SEPTIN9: variants seen among roughly 807,000 people sequenced by gnomAD.
SEPTIN9 encodes septin 9, also known as septin-9.
In SEPTIN9, 13 loss-of-function variants were observed where a neutral mutation model predicts 56.6. The ratio of observed to expected loss-of-function variants is 0.23; its 90% CI spans 0.15 to 0.37. The LOEUF is 0.37. Ranked by LOEUF, SEPTIN9 falls within the 10% of genes least tolerant of loss-of-function variation. The pLI is 1.00. For synonymous variants in SEPTIN9, 332 were observed against 334.1 expected, an observed-to-expected ratio of 0.99 and a Z score of 0.07; for missense variants, 650 against 823.1, an observed-to-expected ratio of 0.79 and a Z score of 2.57.
chr17:77,486,487 GGT>G (rs773025304), intron 4 of SEPTIN9, among the ~76,000 whole-genome samples: 3,003 of 143,610 alleles, frequency 0.021, 39 homozygotes, highest in Middle Eastern at 0.053. Context: ...AGTCTGGAGG[GGT>G]GTGTGTGTGT....
intron 8 of SEPTIN9, among the ~76,000 whole-genome samples, chr17:77,491,843 G>GTCTCTGCCACCTTCT (rs1215078492): frequency 8.6e-5 from 13 of 151,420 alleles, no homozygotes; most frequent in Non-Finnish European, 1.6e-4. Flanking sequence ...AGGAGGGATG[G>GTCTCTGCCACCTTCT]TCTCTGCCAC....
intron 3 of SEPTIN9, among the ~76,000 whole-genome samples, chr17:77,472,222 T>C (rs959592446): frequency 1.3e-5 from 2 of 152,272 alleles, no homozygotes; most frequent in African/African-American, 4.8e-5. Flanking sequence ...TGAGGAGCCC[T>C]TGGACCTTGT....
rs771159726 is a variant in SEPTIN9, at chr17:77,498,614, G to A, written c.1717G>A (p.Ala573Thr). 3 of 1,610,638 alleles carry A rather than the reference G, an allele frequency of 1.9e-6. No individual in the cohort carries two copies. The highest frequency in any genetic ancestry group is 1.1e-5 in the South Asian group (1 of 90,500). Reference protein sequence around the residue: ...KRLNEGSSAMANGMEEKEPEA... With the variant: ...KRLNEGSSAMTNGMEEKEPEA... ...CCTCAACGAGGGCAGCAGCGCCATG[G>A]CCAACGGCATGGAGGAGAAGGAGCC... is the stretch of plus-strand genomic sequence containing the variant. The change falls in exon 12 of 12, where the codon GCC (alanine) becomes ACC (threonine). Residue 573 changes from alanine (A) to threonine (T), a missense_variant. By Grantham distance (58) the Ala-to-Thr change is moderately conservative. Coordinates refer to ENST00000427177, the MANE Select transcript of SEPTIN9 (RefSeq NM_001113491.2).
chr17:77,439,183 G>T (rs778150401), intron 3 of SEPTIN9, among the ~76,000 whole-genome samples: 1 of 152,302 alleles, frequency 6.6e-6, no homozygotes, highest in East Asian at 1.9e-4. Context: ...CCCAGTTCCT[G>T]CTCCAAAGTG....
chr17:77,443,120 T>G (rs60017764), intron 3 of SEPTIN9, among the ~76,000 whole-genome samples: 1 of 152,014 alleles, frequency 6.6e-6, no homozygotes, highest in African/African-American at 2.4e-5. Flanking sequence ...ATGGGCTGGG[T>G]GCAATGTGCC....
At chr17:77,484,577 G>GTGA (rs753199732) in intron 4 of SEPTIN9, among the ~76,000 whole-genome samples, 10 of 112,434 alleles carry the variant, frequency 8.9e-5, no homozygotes, top group Admixed American at 1.6e-4. Flanking sequence ...GGTGATGGTG[G>GTGA]TTATGATGGT....
chr17:77,380,713 C>T (rs2035112715), intron 2 of SEPTIN9, among the ~76,000 whole-genome samples: 2 of 152,146 alleles, frequency 1.3e-5, no homozygotes, highest in Admixed American at 1.3e-4. Flanking sequence ...GTCACAGCCT[C>T]GGAGGGGTCA....
chr17:77,413,121 T>C (rs1050299913), intron 3 of SEPTIN9, among the ~76,000 whole-genome samples: 8 of 148,480 alleles, frequency 5.4e-5, no homozygotes, highest in Admixed American at 2.0e-4. Flanking sequence ...TGTGTGTGTG[T>C]GCTATTTTTA....
At chr17:77,381,535 T>C (rs2035143080) in intron 2 of SEPTIN9, among the ~76,000 whole-genome samples, 1 of 152,250 alleles carries the variant, frequency 6.6e-6, no homozygotes, top group Admixed American at 6.5e-5. Context: ...AGACCGATGT[T>C]ATCTACAGTA....
intron 3 of SEPTIN9, among the ~76,000 whole-genome samples, chr17:77,441,702 C>T (rs760402427): frequency 9.9e-5 from 15 of 152,184 alleles, no homozygotes; most frequent in African/African-American, 2.4e-4. Context: ...ATTTTTCTTT[C>T]CGTTTTTAAA....
chr17:77,377,609 T>C (rs1223037802), intron 2 of SEPTIN9, among the ~76,000 whole-genome samples: 1 of 152,050 alleles, frequency 6.6e-6, no homozygotes, highest in African/African-American at 2.4e-5. Flanking sequence ...CCCAGATCTG[T>C]GTTCTGGAGG....
chr17:77,286,527 G>T (rs1020315508), intron 1 of SEPTIN9: 4 of 152,316 alleles, frequency 2.6e-5, no homozygotes, highest in African/African-American at 9.6e-5. Flanking sequence ...TCTGCTTGGA[G>T]ATCCCAGGTG....
Position 77,327,832 on chromosome 17 carries a change from A to G in SEPTIN9, c.76+20635A>G, listed in dbSNP as rs965762163. Reference sequence around the variant, plus strand: ...GAGGCACTGGCTCTGAAACTTTGCCATGAAAGCTTGAAAATGCTCTTTGGA... The same window carrying G: ...GAGGCACTGGCTCTGAAACTTTGCCGTGAAAGCTTGAAAATGCTCTTTGGA... On this transcript the variant is annotated intron_variant, in intron 2 of 11. Transcript: ENST00000427177. The surrounding 1 kb of genome is among the most constrained non-coding windows in gnomAD (Gnocchi z 5.0). 6.6e-6 allele frequency among the ~76,000 whole-genome samples: 1 copy of G among 152,182 alleles called. No homozygotes were observed. The highest frequency in any genetic ancestry group is 1.5e-5 in the Non-Finnish European group (1 of 68,018).
intron 3 of SEPTIN9, among the ~76,000 whole-genome samples, chr17:77,443,164 G>A (rs2144353327): frequency 1.3e-5 from 2 of 152,284 alleles, no homozygotes; most frequent in South Asian, 4.1e-4. Flanking sequence ...TATGGTTGCT[G>A]TTGAAACCAG....
chr17:77,356,229 C>T lies in SEPTIN9; in HGVS notation c.77-45830C>T, dbSNP rs542062596. Among the ~76,000 whole-genome samples, 23 of 152,230 alleles carry T rather than the reference C, an allele frequency of 1.5e-4. No individual in the cohort carries two copies. The South Asian group carries it at 4.4e-3, about 29-fold the overall frequency. ...TACAGACACTGCCTGGTGCCCAGCCCGCACCGCGAGGCTTCCTAAGCAGCT... is the reference window on the plus strand; with the variant it reads ...TACAGACACTGCCTGGTGCCCAGCCTGCACCGCGAGGCTTCCTAAGCAGCT... On this transcript the variant is annotated intron_variant, in intron 2 of 11. Coordinates refer to ENST00000427177, the MANE Select transcript of SEPTIN9 (RefSeq NM_001113491.2).
chr17:77,345,332 G>A (rs1476215685), intron 2 of SEPTIN9, among the ~76,000 whole-genome samples: 2 of 152,192 alleles, frequency 1.3e-5, no homozygotes, highest in African/African-American at 4.8e-5. Flanking sequence ...GATACTTTAA[G>A]GCATGTATGC....
intron 3 of SEPTIN9, among the ~76,000 whole-genome samples, chr17:77,412,563 C>A (rs1294837700): frequency 6.6e-6 from 1 of 151,996 alleles, no homozygotes; most frequent in East Asian, 1.9e-4. Context: ...ATGGCAAAAC[C>A]GCATCTCTGC....
intron 1 of SEPTIN9, among the ~76,000 whole-genome samples, chr17:77,284,335 A>G (rs1224266258): frequency 6.6e-6 from 1 of 152,246 alleles, no homozygotes; most frequent in Non-Finnish European, 1.5e-5. Context: ...GAAGGCAGCA[A>G]GGGCCCACAC....
intron 1 of SEPTIN9, among the ~76,000 whole-genome samples, chr17:77,302,461 C>CCT (rs2032092270): frequency 6.6e-6 from 1 of 152,010 alleles, no homozygotes; most frequent in Non-Finnish European, 1.5e-5. Flanking sequence ...GGGAGGATCA[C>CCT]AAGGTCAGGA....
Sources: allele counts gnomAD v4.1 joint callset (sites outside exome capture counted in the v4.1 genomes callset), GRCh38; gene constraint gnomAD v4.1.1; non-coding constraint Gnocchi (gnomAD v3.1); transcripts MANE v1.5; gene names NCBI Gene and HGNC (gene_info 2026-07-23, HGNC 2026-07-21).